The following UGT3A1 variants were observed in gnomAD, a reference collection of about 807,000 sequenced individuals.
The protein encoded by UGT3A1 is UDP glycosyltransferase family 3 member A1, also known as UDP-glycosyltransferase 3A1.
A neutral mutation model predicts 37.6 loss-of-function variants in UGT3A1; 40 were observed. The ratio of observed to expected loss-of-function variants is 1.06; its 90% CI spans 0.83 to 1.38. The LOEUF (loss-of-function observed/expected upper bound fraction) is 1.38, where lower values mean the gene tolerates loss of function less well. Ranked by LOEUF, UGT3A1 falls within the 40% of genes most tolerant of loss-of-function variation. UGT3A1 has a pLI of 0.00. For missense variants in UGT3A1, 642 were observed against 634.2 expected, an observed-to-expected ratio of 1.01 and a Z score of -0.13; for synonymous variants, 256 against 232.3, an observed-to-expected ratio of 1.10 and a Z score of -0.93.
intron 4 of UGT3A1, among the ~76,000 whole-genome samples, chr5:35,964,914 G>A (rs967095196): frequency 1.3e-5 from 2 of 152,192 alleles, no homozygotes; most frequent in Non-Finnish European, 2.9e-5. Flanking sequence ...GGCTCTACAG[G>A]CAGGGAACAC....
At chr5:35,994,830 C>T (rs1741056812), upstream of UGT3A1, among the ~76,000 whole-genome samples, 1 of 152,160 alleles carries the variant, frequency 6.6e-6, no homozygotes, top group Admixed American at 6.5e-5. Flanking sequence ...CCCGGAGGAA[C>T]ATAAAGTTCC....
chr5:35,964,110 T>C (rs1487288825), intron 4 of UGT3A1, among the ~76,000 whole-genome samples: 2 of 152,106 alleles, frequency 1.3e-5, no homozygotes, highest in Admixed American at 1.3e-4. Context: ...AAGTGGTATA[T>C]TTTATATTAT....
At chr5:35,984,654 G>A (rs1347256733) in intron 2 of UGT3A1, among the ~76,000 whole-genome samples, 1 of 151,828 alleles carries the variant, frequency 6.6e-6, no homozygotes, top group African/African-American at 2.4e-5. Flanking sequence ...TGTATTTTTG[G>A]TAGAGACAGG....
chr5:35,965,218 G>A (rs1739749650), intron 4 of UGT3A1, among the ~76,000 whole-genome samples, 168 bp downstream of exon 4: 1 of 152,176 alleles, frequency 6.6e-6, no homozygotes, highest in South Asian at 2.1e-4. Context: ...GCCTGACACT[G>A]TACTTGCCAA....
At chr5:35,967,297 G>A (rs948538924) in intron 3 of UGT3A1, among the ~76,000 whole-genome samples, 1 of 152,180 alleles carries the variant, frequency 6.6e-6, no homozygotes, top group Admixed American at 6.5e-5. Context: ...AATTAGATTT[G>A]AGCACCACCT....
At position 35,965,501 on chromosome 5, in the gene UGT3A1, T is replaced by G; in HGVS notation, c.728A>C (p.Lys243Thr). The part of the protein sequence containing the change: ...SRPVLSHLLL[K>T]AELWFVNSDF... ...AGAGTTAACAAACCACAACTCTGCT[T>G]TCAGTAGAAGATGAGACAAAACTGG... Residue 243 changes from lysine (K) to threonine (T), a missense_variant, in exon 4 of 7, where the codon AAA becomes ACA. Physicochemically the swap from Lys to Thr is moderately conservative, Grantham distance 78. Transcript: ENST00000274278. 1 of 1,614,206 alleles carries G rather than the reference T, an allele frequency of 6.2e-7. No homozygotes were observed. The highest frequency in any genetic ancestry group is 1.3e-5 in the African/African-American group (1 of 75,052).
chr5:35,970,800 A>G (rs2149968302), intron 2 of UGT3A1, among the ~76,000 whole-genome samples: 1 of 152,294 alleles, frequency 6.6e-6, no homozygotes, highest in Non-Finnish European at 1.5e-5. Flanking sequence ...AAAAGGGTTA[A>G]TTGTCTCCAT....
intron 2 of UGT3A1, among the ~76,000 whole-genome samples, chr5:35,983,092 T>G (rs566150850): frequency 6.6e-6 from 1 of 152,186 alleles, no homozygotes; most frequent in Non-Finnish European, 1.5e-5. Flanking sequence ...ACACCTCTTT[T>G]CTTCATAAAT....
At chr5:35,990,472 G>A (rs1286555479) in intron 1 of UGT3A1, among the ~76,000 whole-genome samples, 2 of 151,836 alleles carry the variant, frequency 1.3e-5, no homozygotes, top group Non-Finnish European at 1.5e-5. Context: ...TAAAACTGAG[G>A]CCCAAAATGC....
chr5:35,977,103 A>C (rs113691660), intron 2 of UGT3A1, among the ~76,000 whole-genome samples: 1 of 64,928 alleles, frequency 1.5e-5, no homozygotes, highest in Non-Finnish European at 3.5e-5. Flanking sequence ...AAAGAAAGAA[A>C]GAGAAAGAGA....
At chr5:35,991,771 T>C (rs956771514), upstream of UGT3A1, among the ~76,000 whole-genome samples, 2 of 152,146 alleles carry the variant, frequency 1.3e-5, no homozygotes, top group East Asian at 3.9e-4. Context: ...AAGATGTCCC[T>C]GAGAGGGAAT....
chr5:35,960,670 C>A (rs1052950136), intron 4 of UGT3A1: 1 of 152,230 alleles, frequency 6.6e-6, no homozygotes, highest in Admixed American at 6.5e-5. Flanking sequence ...CTACAGACGG[C>A]TTAAGTGTTA....
At chr5:35,967,870 T>A in intron 3 of UGT3A1, 149 bp downstream of exon 3, 2 of 660,834 alleles carry the variant, frequency 3.0e-6, no homozygotes, top group South Asian at 3.6e-5. Context: ...CATCTATCCA[T>A]TCATCCACTC....
chr5:35,961,131 G>T (rs1739564793), intron 4 of UGT3A1: 1 of 152,116 alleles, frequency 6.6e-6, no homozygotes, highest in African/African-American at 2.4e-5. Context: ...CTTTGCCAGG[G>T]AACTGCCCTC....
chr5:35,985,211 G>T (rs1740684982), intron 2 of UGT3A1, among the ~76,000 whole-genome samples: 1 of 151,764 alleles, frequency 6.6e-6, no homozygotes. Context: ...AACTGAAGAG[G>T]TCACAATAAA....
chr5:35,990,447 G>A (rs949077391), intron 1 of UGT3A1, among the ~76,000 whole-genome samples: 4 of 151,916 alleles, frequency 2.6e-5, no homozygotes, highest in Non-Finnish European at 5.9e-5. Flanking sequence ...TACTTCCTTT[G>A]AAATAAAAAT....
chr5:35,971,996 C>T (rs1740061619), intron 2 of UGT3A1, among the ~76,000 whole-genome samples: 1 of 152,090 alleles, frequency 6.6e-6, no homozygotes, highest in Non-Finnish European at 1.5e-5. Context: ...GCCTACTGCC[C>T]ACCCCTCCAC....
At position 35,968,109 on chromosome 5, in the gene UGT3A1, T is replaced by C. The variant is rs1216609840; in HGVS notation, c.221A>G (p.Tyr74Cys). 1.2e-6 allele frequency: 2 copies of C among 1,612,624 alleles called. No homozygotes were observed. The highest frequency in any genetic ancestry group is 1.7e-5 in the Admixed American group (1 of 59,876). ...AGGTGAAAACCACCTGATAACTTGGTATGATTTTTCCTCCTCTTTAATATC... is the reference window on the plus strand; with the variant it reads ...AGGTGAAAACCACCTGATAACTTGGCATGATTTTTCCTCCTCTTTAATATC... ...IPDIKEEEKS[Y>C]QVIRWFSPED... Residue 74 changes from tyrosine (Y) to cysteine (C), a missense_variant, in exon 3 of 7, where the codon TAC becomes TGC. Transcript: ENST00000274278.
At chr5:35,982,440 A>G (rs1435003799) in intron 2 of UGT3A1, among the ~76,000 whole-genome samples, 1 of 152,230 alleles carries the variant, frequency 6.6e-6, no homozygotes, top group Non-Finnish European at 1.5e-5. Flanking sequence ...AAAGGAAATT[A>G]TTTTGGCGCT....
Sources: gnomAD v4.1 joint callset for allele counts (sites outside exome capture counted in the v4.1 genomes callset) on GRCh38, gnomAD v4.1.1 for gene constraint, MANE v1.5 for transcripts, NCBI Gene and HGNC (gene_info 2026-07-23, HGNC 2026-07-21) for gene names.